The following DNAJB6 variants were observed in gnomAD, a reference collection of about 807,000 sequenced individuals.
DNAJB6 encodes dnaJ homolog subfamily B member 6.
In DNAJB6, 16 loss-of-function variants were observed where a neutral mutation model predicts 42.7. The observed-to-expected ratio is 0.37, with a 90% CI of 0.25 to 0.57. The LOEUF (loss-of-function observed/expected upper bound fraction) is 0.57, where lower values mean the gene tolerates loss of function less well. Ranked by LOEUF, DNAJB6 falls within the 20% of genes least tolerant of loss-of-function variation. DNAJB6 has a pLI of 0.74. For synonymous variants in DNAJB6, 170 were observed against 163.5 expected, an observed-to-expected ratio of 1.04 and a Z score of -0.30; for missense variants, 347 against 416.8, an observed-to-expected ratio of 0.83 and a Z score of 1.46.
intron 1 of DNAJB6, among the ~76,000 whole-genome samples, chr7:157,345,951 G>A (rs527308442): frequency 6.6e-6 from 1 of 152,170 alleles, no homozygotes; most frequent in African/African-American, 2.4e-5. Context: ...TCCTGGCTGA[G>A]CTTCTGTAGG....
At chr7:157,350,316 C>A (rs1584883947) in intron 1 of DNAJB6, among the ~76,000 whole-genome samples, 1 of 152,134 alleles carries the variant, frequency 6.6e-6, no homozygotes, top group African/African-American at 2.4e-5. Context: ...GGTATATTTG[C>A]CTAGAGACAG....
At chr7:157,358,395 C>T (rs1007855652) in intron 1 of DNAJB6, among the ~76,000 whole-genome samples, 152 bp from the exon 2 acceptor site, 2 of 152,300 alleles carry the variant, frequency 1.3e-5, no homozygotes, top group Non-Finnish European at 2.9e-5. Flanking sequence ...CTTGGCCCAG[C>T]AGGCTAGTGG....
intron 8 of DNAJB6, chr7:157,386,341 G>A (rs879584666): frequency 8.4e-5 from 83 of 984,024 alleles, no homozygotes; most frequent in Non-Finnish European, 9.6e-5. Context: ...TTGTGTCTGT[G>A]TATGATTTGT....
At chr7:157,392,037 G>A (rs968709106) in intron 8 of DNAJB6, among the ~76,000 whole-genome samples, 1 of 150,386 alleles carries the variant, frequency 6.6e-6, no homozygotes, top group Non-Finnish European at 1.5e-5. Context: ...AGGGATATGA[G>A]GCTGCAGTGA....
chr7:157,373,953 A>G (rs1331481346), intron 5 of DNAJB6, among the ~76,000 whole-genome samples: 1 of 152,150 alleles, frequency 6.6e-6, no homozygotes, highest in Non-Finnish European at 1.5e-5. Context: ...AGGCTGAGGT[A>G]GGAGATTCCT....
chr7:157,378,648 C>T (rs939477996), intron 5 of DNAJB6: 2 of 152,208 alleles, frequency 1.3e-5, no homozygotes, highest in Non-Finnish European at 2.9e-5. Context: ...TGGTTACGCA[C>T]GCTCAGCAAC....
At chr7:157,412,953 T>C (rs1260933192) in intron 9 of DNAJB6, 2 of 152,250 alleles carry the variant, frequency 1.3e-5, no homozygotes, top group Non-Finnish European at 2.9e-5. Flanking sequence ...TTCCCCTCCT[T>C]GTGTCTGGTG....
At chr7:157,383,284 G>A (rs916765245) in intron 6 of DNAJB6, among the ~76,000 whole-genome samples, 19 of 152,284 alleles carry the variant, frequency 1.2e-4, no homozygotes, top group African/African-American at 4.3e-4. Flanking sequence ...AGGATTACAG[G>A]CATGAGCCAC....
At chr7:157,414,529 C>T (rs899894624) in intron 9 of DNAJB6, 5 of 152,298 alleles carry the variant, frequency 3.3e-5, no homozygotes, top group African/African-American at 1.2e-4. Flanking sequence ...TCTCTCTGTT[C>T]GTTCTTTCTT....
At chr7:157,388,121 C>G (rs1563140950) in intron 8 of DNAJB6, among the ~76,000 whole-genome samples, 1 of 152,224 alleles carries the variant, frequency 6.6e-6, no homozygotes, top group African/African-American at 2.4e-5. Flanking sequence ...GCTGGGATTA[C>G]AGGCGTGAGC....
intron 5 of DNAJB6, among the ~76,000 whole-genome samples, chr7:157,368,121 TAAAAC>T (rs753742116): frequency 6.6e-6 from 1 of 152,132 alleles, no homozygotes; most frequent in African/African-American, 2.4e-5. Context: ...CTCAAAAAAA[TAAAAC>T]AGCACAGTAG....
At chr7:157,366,937 G>A (rs1473474333) in intron 4 of DNAJB6, among the ~76,000 whole-genome samples, 1 of 152,146 alleles carries the variant, frequency 6.6e-6, no homozygotes, top group Admixed American at 6.5e-5. Flanking sequence ...AAGTTCCCAC[G>A]GTCACTGGGC....
At chr7:157,398,442 G>A (rs372043903) in intron 8 of DNAJB6, among the ~76,000 whole-genome samples, 2 of 152,252 alleles carry the variant, frequency 1.3e-5, no homozygotes, top group African/African-American at 4.8e-5. Flanking sequence ...TGGGAAAAGC[G>A]TGTTTTTATC....
At chr7:157,366,941 A>G (rs1799875060) in intron 4 of DNAJB6, among the ~76,000 whole-genome samples, 1 of 152,190 alleles carries the variant, frequency 6.6e-6, no homozygotes, top group South Asian at 2.1e-4. Flanking sequence ...TCCCACGGTC[A>G]CTGGGCTGTG....
chr7:157,371,986 G>A (rs1463488067), intron 5 of DNAJB6, among the ~76,000 whole-genome samples: 1 of 152,208 alleles, frequency 6.6e-6, no homozygotes, highest in Non-Finnish European at 1.5e-5. Flanking sequence ...GCATCACTGT[G>A]GTACGAATGA....
rs1479469927 is a variant in DNAJB6 at position 157,382,265 on chromosome 7, C to G, written c.366C>G (p.Phe122Leu). 1.2e-6 allele frequency: 2 copies of G among 1,604,834 alleles called. No homozygotes were observed. Among genetic ancestry groups the G allele is most frequent in the Non-Finnish European group, 8.5e-7 (1 of 1,177,604 alleles). ...FDFFEDPFED[F>L]FGNRRGPRGS... ...TTTTAGAAGACCCTTTTGAGGACTT[C>G]TTTGGGAATCGAAGGGGTCCCCGAG... The change falls in exon 6 of 10, where the codon TTC (phenylalanine) becomes TTG (leucine). Residue 122 changes from phenylalanine to leucine, a missense_variant. This residue lies in a region of DNAJB6 where 264 missense variants were observed against 288.0 expected (regional missense o/e 0.92). Transcript: ENST00000262177.
intron 2 of DNAJB6, among the ~76,000 whole-genome samples, 162 bp downstream of exon 2, chr7:157,358,799 A>T (rs574248371): frequency 1.5e-4 from 23 of 152,342 alleles, no homozygotes; most frequent in African/African-American, 5.5e-4. Context: ...GAGCATTTGC[A>T]GTCTAGGCCT....
At chr7:157,378,286 C>G (rs1188657044) in intron 5 of DNAJB6, 1 of 152,148 alleles carries the variant, frequency 6.6e-6, no homozygotes, top group Non-Finnish European at 1.5e-5. Flanking sequence ...TTGATTAACA[C>G]GTGTCTTAAG....
At chr7:157,392,963 C>T (rs1039065074) in intron 8 of DNAJB6, among the ~76,000 whole-genome samples, 1 of 152,014 alleles carries the variant, frequency 6.6e-6, no homozygotes, top group African/African-American at 2.4e-5. Flanking sequence ...TCTTGGTATT[C>T]TGATTTTATT....
Sources: allele counts gnomAD v4.1 joint callset (sites outside exome capture counted in the v4.1 genomes callset), GRCh38; gene constraint gnomAD v4.1.1; regional missense constraint gnomAD v4.1.1; transcripts MANE v1.5; gene names NCBI Gene and HGNC (gene_info 2026-07-23, HGNC 2026-07-21).